Variants in FAM174B observed in about 807,000 individuals in gnomAD.
FAM174B encodes membrane protein FAM174B.
A neutral mutation model predicts 10.9 loss-of-function variants in FAM174B; 12 were observed. The observed-to-expected ratio is 1.10, with a 90% CI of 0.71 to 1.79. FAM174B has a LOEUF of 1.79. Ranked by LOEUF, FAM174B falls within the 40% of genes most tolerant of loss-of-function variation. FAM174B has a pLI of 0.00. For synonymous variants in FAM174B, 132 were observed against 115.8 expected, an observed-to-expected ratio of 1.14 and a Z score of -0.90; for missense variants, 266 against 233.3, an observed-to-expected ratio of 1.14 and a Z score of -0.91.
chr15:92,628,771 C>A (rs2050771191), intron 2 of FAM174B, among the ~76,000 whole-genome samples: 1 of 151,990 alleles, frequency 6.6e-6, no homozygotes, highest in East Asian at 1.9e-4. Context: ...CATGATAATA[C>A]AGTCATTTTC....
intron 1 of FAM174B, among the ~76,000 whole-genome samples, chr15:92,650,711 TC>T (rs1227044134): frequency 6.6e-6 from 1 of 152,208 alleles, no homozygotes; most frequent in Non-Finnish European, 1.5e-5. Context: ...ATGTGTATTA[TC>T]CTGAATCCAT....
chr15:92,620,616 A>G (rs1384488350), intron 2 of FAM174B, among the ~76,000 whole-genome samples: 3 of 152,144 alleles, frequency 2.0e-5, no homozygotes, highest in Non-Finnish European at 4.4e-5. Context: ...GGGGTTCGAG[A>G]CCAGCCTGGC....
chr15:92,641,859 CAAGA>C (rs2050894141), intron 1 of FAM174B, among the ~76,000 whole-genome samples: 1 of 152,102 alleles, frequency 6.6e-6, no homozygotes, highest in Non-Finnish European at 1.5e-5. Context: ...AGAATATAAT[CAAGA>C]AAGTGAAAAG....
At chr15:92,624,978 C>G (rs183882766) in intron 2 of FAM174B, among the ~76,000 whole-genome samples, 1 of 152,244 alleles carries the variant, frequency 6.6e-6, no homozygotes, top group Admixed American at 6.5e-5. Context: ...AGCATCCACA[C>G]AACTGCACAC....
At chr15:92,631,328 A>AT (rs1567045314) in intron 1 of FAM174B, among the ~76,000 whole-genome samples, 1 of 1,920 alleles carries the variant, frequency 5.2e-4, no homozygotes, top group African/African-American at 9.2e-4. Flanking sequence ...TATTATATAT[A>AT]ATATATTATA....
In FAM174B at chr15:92,630,283, A is replaced by T; in HGVS notation, c.407T>A (p.Val136Glu). 6.2e-7 allele frequency: 1 copy of T among 1,613,134 alleles called. No homozygotes were observed. The highest frequency in any genetic ancestry group is 1.1e-5 in the South Asian group (1 of 91,024). Reference protein sequence around the residue: ...YDIITTPAERVEMAPLNEEDD... With the variant: ...YDIITTPAEREEMAPLNEEDD... ...CTCTTCATTTAGTGGCGCCATTTCC[A>T]CTCGCTCTGCTGGAGTGGTGATGAT... is the stretch of plus-strand genomic sequence containing the variant. The change falls in exon 2 of 3, where the codon GTG becomes GAG. Residue 136 changes from valine (V) to glutamate (E), a missense_variant. Physicochemically the swap from Val to Glu is moderately radical, Grantham distance 121. Transcript: ENST00000327355.
intron 1 of FAM174B, among the ~76,000 whole-genome samples, chr15:92,631,249 A>T (rs377605003): frequency 0.018 from 155 of 8,606 alleles, 35 homozygotes; most frequent in East Asian, 0.048. Context: ...ATATTATATT[A>T]TATATAATAT....
At chr15:92,646,746 C>A (rs769720865) in intron 1 of FAM174B, among the ~76,000 whole-genome samples, 1 of 152,204 alleles carries the variant, frequency 6.6e-6, no homozygotes, top group Non-Finnish European at 1.5e-5. Context: ...TTATCTTAAC[C>A]CAGACATTTC....
At chr15:92,631,105 A>G (rs185237899) in intron 1 of FAM174B, among the ~76,000 whole-genome samples, 1 of 37,846 alleles carries the variant, frequency 2.6e-5, no homozygotes, top group Non-Finnish European at 5.1e-5. Flanking sequence ...TACGTATTAC[A>G]TATTACATAT....
At chr15:92,644,851 C>T (rs565243781) in intron 1 of FAM174B, among the ~76,000 whole-genome samples, 2 of 152,292 alleles carry the variant, frequency 1.3e-5, no homozygotes, top group South Asian at 2.1e-4. Flanking sequence ...CCGGCTGCCC[C>T]GGAACAGAGG....
In FAM174B at chr15:92,621,375, G is replaced by A. The variant is rs182964854; in HGVS notation, c.477-1916C>T. ...GCCCGTAATCCCAGAACTTTGGGAG[G>A]TCAAGGCAGGAGAATCGCTTGAACC... On this transcript the variant is annotated intron_variant, in intron 2 of 2. Coordinates refer to ENST00000327355, the MANE Select transcript of FAM174B (RefSeq NM_207446.3). Among the ~76,000 whole-genome samples, 257 of 152,314 alleles carry A rather than the reference G, an allele frequency of 1.7e-3. 1 individual carries two copies. Among genetic ancestry groups the A allele is most frequent in the Non-Finnish European group, 3.2e-3 (219 of 68,042 alleles).
At chr15:92,638,941 C>T (rs2050873338) in intron 1 of FAM174B, among the ~76,000 whole-genome samples, 1 of 152,218 alleles carries the variant, frequency 6.6e-6, no homozygotes, top group Non-Finnish European at 1.5e-5. Context: ...CCAGCAGGCA[C>T]TGTGAGGCGA....
chr15:92,636,287 C>G (rs1265278833), intron 1 of FAM174B, among the ~76,000 whole-genome samples: 1 of 152,148 alleles, frequency 6.6e-6, no homozygotes, highest in Non-Finnish European at 1.5e-5. Context: ...ACACTCCAGC[C>G]TGGGTGACAG....
chr15:92,642,283 C>G (rs565038945), intron 1 of FAM174B, among the ~76,000 whole-genome samples: 27 of 152,340 alleles, frequency 1.8e-4, no homozygotes, highest in Non-Finnish European at 2.9e-4. Flanking sequence ...ATGGAGTTAT[C>G]ATATGACCCA....
At chr15:92,637,841 G>C (rs568027799) in intron 1 of FAM174B, among the ~76,000 whole-genome samples, 39 of 152,334 alleles carry the variant, frequency 2.6e-4, no homozygotes, top group African/African-American at 9.1e-4. Context: ...CAGCCTTGGG[G>C]ACAGGGCCCT....
At chr15:92,655,135 A>G (rs2050992787) in intron 1 of FAM174B, 181 bp downstream of exon 1, 1 of 753,162 alleles carries the variant, frequency 1.3e-6, no homozygotes, top group Non-Finnish European at 1.9e-6. Context: ...ATGTACCAGG[A>G]AAATCCAGAC....
At chr15:92,648,752 T>G (rs2050945457) in intron 1 of FAM174B, among the ~76,000 whole-genome samples, 1 of 152,140 alleles carries the variant, frequency 6.6e-6, no homozygotes, top group South Asian at 2.1e-4. Flanking sequence ...CCCAAGCACT[T>G]TGCCATGGTC....
Position 92,649,267 on chromosome 15 carries a change from G to T in FAM174B, c.344+6049C>A, listed in dbSNP as rs192089392. On this transcript the variant is annotated intron_variant, in intron 1 of 2. Transcript: ENST00000327355. ...TTCCAATTTGATAGAAGGAATCCAC[G>T]TCAGGTGCCAGGTCTTCACAGTCCT... is the stretch of plus-strand genomic sequence containing the variant. Among the ~76,000 whole-genome samples, 15 of 152,324 alleles carry T rather than the reference G, an allele frequency of 9.8e-5. No individual in the cohort carries two copies. The East Asian group carries it at 2.9e-3, about 29-fold the overall frequency.
intron 2 of FAM174B, among the ~76,000 whole-genome samples, chr15:92,622,888 G>A (rs761752311): frequency 2.0e-5 from 3 of 152,094 alleles, no homozygotes; most frequent in East Asian, 1.9e-4. Context: ...GGCCAGGTGC[G>A]GTACCTCACA....
Sources: gnomAD v4.1 joint callset for allele counts (sites outside exome capture counted in the v4.1 genomes callset) on GRCh38, gnomAD v4.1.1 for gene constraint, MANE v1.5 for transcripts, NCBI Gene and HGNC (gene_info 2026-07-23, HGNC 2026-07-21) for gene names.